The following NFIL3 variants were observed in gnomAD, a reference collection of about 807,000 sequenced individuals.
The protein encoded by NFIL3 is nuclear factor interleukin-3-regulated protein.
NFIL3 carries 5 observed loss-of-function variants against 10.0 expected under a neutral mutation model. That is an observed-to-expected ratio of 0.50 (90% CI 0.26 to 1.06). NFIL3 has a LOEUF of 1.06. Ranked by LOEUF, NFIL3 falls within the 50% of genes least tolerant of loss-of-function variation. NFIL3 has a pLI of 0.13. For missense variants in NFIL3, 436 were observed against 547.6 expected, an observed-to-expected ratio of 0.80 and a Z score of 2.03; for synonymous variants, 202 against 206.5, an observed-to-expected ratio of 0.98 and a Z score of 0.19.
chr9:91,410,731 G>A lies in NFIL3; in HGVS notation c.4C>T (p.Gln2Ter). The change falls in exon 2 of 2, where the codon CAG becomes TAG. Residue 2 changes from glutamine (Q) to a stop codon, truncating the protein, a stop_gained. Coordinates refer to ENST00000297689, the MANE Select transcript of NFIL3 (RefSeq NM_005384.3). LOFTEE classifies it low-confidence loss of function (END_TRUNC). The surrounding 1 kb of genome is among the most constrained non-coding windows in gnomAD (Gnocchi z 5.7). ...TTGACGGTCTGCATTTTTCTCAGCT[G>A]CATCAGAAACAACCTTACCCTATCT... M[Q>*]LRKMQTVKKE... is the part of the protein sequence containing the mutation. 6.3e-7 allele frequency: 1 copy of A among 1,586,578 alleles called. No individual in the cohort carries two copies. Among genetic ancestry groups the A allele is most frequent in the South Asian group, 1.2e-5 (1 of 86,520 alleles).
upstream of NFIL3, among the ~76,000 whole-genome samples, chr9:91,427,671 G>T (rs1329729135): frequency 6.6e-6 from 1 of 151,930 alleles, no homozygotes; most frequent in Admixed American, 6.6e-5. Flanking sequence ...ACAGGGTCTT[G>T]CTCTCTTGCC....
chr9:91,437,237 G>C, the NFIL3 span, among the ~76,000 whole-genome samples: 2 of 152,174 alleles, frequency 1.3e-5, no homozygotes, highest in African/African-American at 4.8e-5. Flanking sequence ...TTTTAAAACA[G>C]CTTTATTGAG....
At chr9:91,440,770 C>T in the NFIL3 span, among the ~76,000 whole-genome samples, 3 of 114,330 alleles carry the variant, frequency 2.6e-5, no homozygotes, top group Non-Finnish European at 5.8e-5. Flanking sequence ...TCATTGATTG[C>T]TTAGGAGCAT....
chr9:91,482,787 C>A, the NFIL3 span, among the ~76,000 whole-genome samples: 6 of 152,150 alleles, frequency 3.9e-5, no homozygotes, highest in Non-Finnish European at 8.8e-5. Context: ...CAGGTGTGAG[C>A]CACCATGCCC....
the NFIL3 span, among the ~76,000 whole-genome samples, chr9:91,444,837 C>T: frequency 6.6e-6 from 1 of 152,176 alleles, no homozygotes; most frequent in African/African-American, 2.4e-5. Flanking sequence ...TTCTCCACCA[C>T]TTAGCTGAAG....
chr9:91,453,958 G>C, the NFIL3 span, among the ~76,000 whole-genome samples: 9 of 152,144 alleles, frequency 5.9e-5, no homozygotes, highest in Admixed American at 5.9e-4. Context: ...CTAAGGTCAG[G>C]CACAGTGGCT....
At chr9:91,450,824 G>A in the NFIL3 span, among the ~76,000 whole-genome samples, 3 of 151,984 alleles carry the variant, frequency 2.0e-5, no homozygotes, top group Non-Finnish European at 2.9e-5. Flanking sequence ...AATTATTATT[G>A]TAGAACTGTA....
chr9:91,465,035 TG>T, the NFIL3 span, among the ~76,000 whole-genome samples: 1 of 152,168 alleles, frequency 6.6e-6, no homozygotes, highest in Non-Finnish European at 1.5e-5. Context: ...TATTTGTCTT[TG>T]GTTTTCTAAG....
the NFIL3 span, among the ~76,000 whole-genome samples, chr9:91,474,091 T>TG: frequency 1.3e-5 from 2 of 151,590 alleles, no homozygotes; most frequent in African/African-American, 2.4e-5. Flanking sequence ...TTTTTGTTTT[T>TG]TTTTTTTAAT....
chr9:91,430,133 T>C, the NFIL3 span, among the ~76,000 whole-genome samples: 1 of 152,224 alleles, frequency 6.6e-6, no homozygotes, highest in Non-Finnish European at 1.5e-5. Context: ...ACCAAATACT[T>C]GTGCCTGTGC....
chr9:91,425,644 A>G (rs1325569243), upstream of NFIL3, among the ~76,000 whole-genome samples: 1 of 152,220 alleles, frequency 6.6e-6, no homozygotes, highest in African/African-American at 2.4e-5. Flanking sequence ...CACTTTTCTC[A>G]TACATATATA....
chr9:91,478,950 G>A, the NFIL3 span, among the ~76,000 whole-genome samples: 1 of 152,174 alleles, frequency 6.6e-6, no homozygotes, highest in Non-Finnish European at 1.5e-5. Context: ...TCCAGACCCT[G>A]TTTGCCTGGG....
the NFIL3 span, among the ~76,000 whole-genome samples, chr9:91,435,607 C>A: frequency 6.6e-6 from 1 of 152,146 alleles, no homozygotes; most frequent in South Asian, 2.1e-4. Flanking sequence ...AGACATCTGC[C>A]TGCGCCTGAA....
At chr9:91,440,179 C>T in the NFIL3 span, among the ~76,000 whole-genome samples, 1 of 151,888 alleles carries the variant, frequency 6.6e-6, no homozygotes, top group Non-Finnish European at 1.5e-5. Context: ...TTGATTATTT[C>T]TTCAATCTCT....
chr9:91,436,613 C>G, the NFIL3 span, among the ~76,000 whole-genome samples: 1 of 148,510 alleles, frequency 6.7e-6, no homozygotes, highest in Admixed American at 6.6e-5. Context: ...ACAACAACAA[C>G]AACAACAAAG....
the NFIL3 span, among the ~76,000 whole-genome samples, chr9:91,449,091 G>A: frequency 6.6e-6 from 1 of 152,102 alleles, no homozygotes; most frequent in Non-Finnish European, 1.5e-5. Context: ...TTGAAACTTT[G>A]TGGAATTAAT....
chr9:91,450,903 T>G, the NFIL3 span, among the ~76,000 whole-genome samples: 1 of 152,172 alleles, frequency 6.6e-6, no homozygotes, highest in Non-Finnish European at 1.5e-5. Context: ...CCAAATTTTT[T>G]TCTGTTCTAC....
chr9:91,443,804 G>A, the NFIL3 span, among the ~76,000 whole-genome samples: 15 of 152,302 alleles, frequency 9.8e-5, no homozygotes, highest in East Asian at 7.7e-4. Context: ...CATGCAGCCC[G>A]AGCCGCACCT....
At position 91,409,293 on chromosome 9, in the gene NFIL3, G is replaced by A; in HGVS notation, c.*53C>T. The A allele has an allele frequency of 6.7e-7, 1 of 1,485,918 alleles. No homozygotes were observed. Among genetic ancestry groups the A allele is most frequent in the Non-Finnish European group, 9.0e-7 (1 of 1,105,904 alleles). The allele number at this position is 1,485,918 out of a possible 1,614,324, so 92.0% of individuals were successfully genotyped here. ...AATTCAGCATAATACAAAATGGACTGCTCTATTGCAAATGACATCTTTCTA... is the reference window on the plus strand; with the variant it reads ...AATTCAGCATAATACAAAATGGACTACTCTATTGCAAATGACATCTTTCTA... On this transcript the variant is annotated 3_prime_UTR_variant, in exon 2 of 2. Coordinates refer to ENST00000297689, the MANE Select transcript of NFIL3 (RefSeq NM_005384.3).
Sources: allele counts gnomAD v4.1 joint callset (sites outside exome capture counted in the v4.1 genomes callset), GRCh38; gene constraint gnomAD v4.1.1; non-coding constraint Gnocchi (gnomAD v3.1); transcripts MANE v1.5; gene names NCBI Gene and HGNC (gene_info 2026-07-23, HGNC 2026-07-21).